KIFC3: variants seen among roughly 807,000 people sequenced by gnomAD.
KIFC3 encodes kinesin family member C3.
KIFC3 carries 60 observed loss-of-function variants against 101.8 expected under a neutral mutation model. That is an observed-to-expected ratio of 0.59 (90% CI 0.48 to 0.73). KIFC3 has a LOEUF of 0.73. Ranked by LOEUF, KIFC3 falls within the 30% of genes least tolerant of loss-of-function variation. The pLI, the probability that KIFC3 is intolerant of heterozygous loss-of-function variation, is 0.00. For synonymous variants in KIFC3, 476 were observed against 482.7 expected, an observed-to-expected ratio of 0.99 and a Z score of 0.18; for missense variants, 966 against 1,137.1, an observed-to-expected ratio of 0.85 and a Z score of 2.16.
intron 1 of KIFC3, among the ~76,000 whole-genome samples, chr16:57,850,345 G>C (rs2149326300): frequency 1.3e-5 from 2 of 151,712 alleles, no homozygotes; most frequent in South Asian, 4.2e-4. Context: ...TGAGGCTGCA[G>C]TGAGCCATGA....
intron 9 of KIFC3, 34 bp from the exon 10 acceptor site, chr16:57,767,019 G>A (rs782136980): frequency 1.5e-5 from 24 of 1,565,208 alleles, no homozygotes; most frequent in South Asian, 1.2e-4. Context: ...TCAGGGGGAC[G>A]GCTCCATCAG....
intron 1 of KIFC3, among the ~76,000 whole-genome samples, chr16:57,853,780 C>A (rs192196432): frequency 6.6e-6 from 1 of 151,988 alleles, no homozygotes; most frequent in Non-Finnish European, 1.5e-5. Context: ...TACAGGCGTG[C>A]GCCACCATAC....
rs2051341847 is a variant in KIFC3 at position 57,772,230 on chromosome 16, G to C, written c.374C>G (p.Ser125Cys). 6.2e-7 allele frequency: 1 copy of C among 1,613,538 alleles called. No individual in the cohort carries two copies. The highest frequency in any genetic ancestry group is 8.5e-7 in the Non-Finnish European group (1 of 1,179,808). Residue 125 changes from serine to cysteine, a missense_variant, in exon 4 of 20, where the codon TCT (serine) becomes TGT (cysteine). By Grantham distance (112) the Ser-to-Cys change is moderately radical (BLOSUM62 -1). Around this residue, in one of 2 missense-constraint regions of KIFC3, gnomAD observed 277 missense variants for 252.5 expected, o/e 1.10. Coordinates refer to ENST00000445690, the MANE Select transcript of KIFC3 (RefSeq NM_001130100.2). ...ACAGCCTTGTGGCCTCACCAGCTCA[G>C]ATCGCAGTCGGCTCACTTCCTGGGC... ...SQAQEVSRLR[S>C]ELGGTDLEKH...
At chr16:57,762,523 G>A (rs1381565658) in intron 12 of KIFC3, among the ~76,000 whole-genome samples, 4 of 152,212 alleles carry the variant, frequency 2.6e-5, no homozygotes, top group Non-Finnish European at 5.9e-5. Context: ...GGGATGAGGG[G>A]CCTGGCCCAG....
At chr16:57,797,592 C>T (rs1357380817) in intron 2 of KIFC3, 13 of 671,172 alleles carry the variant, frequency 1.9e-5, no homozygotes, top group African/African-American at 1.4e-4. Context: ...CCCCAAGCCC[C>T]GCCAGGCCAC....
chr16:57,782,221 C>T (rs1198260215), intron 3 of KIFC3: 4 of 865,604 alleles, frequency 4.6e-6, no homozygotes, highest in East Asian at 1.2e-4. Flanking sequence ...AACTGCAATG[C>T]GACATTTGTG....
chr16:57,765,805 AC>A (rs2148898454), intron 10 of KIFC3, 165 bp from the exon 11 acceptor site: 2 of 614,912 alleles, frequency 3.3e-6, no homozygotes, highest in South Asian at 4.0e-5. Flanking sequence ...CGTCATTCAC[AC>A]TATAGTATGA....
At chr16:57,850,947 C>CTCCTTCCTTCCT (rs200153757) in intron 1 of KIFC3, among the ~76,000 whole-genome samples, 13 of 52,604 alleles carry the variant, frequency 2.5e-4, no homozygotes, top group African/African-American at 6.7e-4. Flanking sequence ...CCTTCCCTCC[C>CTCCTTCCTTCCT]TCCTTCCTTC....
chr16:57,843,082 G>A (rs2055845284), intron 1 of KIFC3, among the ~76,000 whole-genome samples: 1 of 151,432 alleles, frequency 6.6e-6, no homozygotes, highest in Non-Finnish European at 1.5e-5. Flanking sequence ...ACAGTGAGCC[G>A]AGATCACACC....
intron 1 of KIFC3, among the ~76,000 whole-genome samples, chr16:57,812,109 T>C (rs1481805257): frequency 8.0e-5 from 12 of 149,114 alleles, no homozygotes; most frequent in Non-Finnish European, 1.8e-4. Flanking sequence ...TGGCGCGATC[T>C]CGGCTCACTG....
At chr16:57,794,227 TTTTTC>T (rs1555621594) in intron 3 of KIFC3, among the ~76,000 whole-genome samples, 1 of 151,388 alleles carries the variant, frequency 6.6e-6, no homozygotes, top group African/African-American at 2.4e-5. Context: ...AAGTTTATCT[TTTTTC>T]TTTTCTTTTT....
At chr16:57,802,615 C>T (rs2054815410), upstream of KIFC3, 4 of 1,038,360 alleles carry the variant, frequency 3.9e-6, no homozygotes, top group Non-Finnish European at 4.7e-6. The surrounding 1 kb of genome is among the most constrained non-coding windows in gnomAD (Gnocchi z 5.0). Flanking sequence ...GCGCACGCGT[C>T]AGCCCGGGCG....
In KIFC3 at chr16:57,787,679, C is replaced by T. The variant is rs1413914048; in HGVS notation, c.315+7320G>A. Among the ~76,000 whole-genome samples, 4 of 152,202 alleles carry T rather than the reference C, an allele frequency of 2.6e-5. No individual in the cohort carries two copies. The East Asian group carries it at 5.8e-4, about 22-fold the overall frequency. On this transcript the variant is annotated intron_variant, in intron 3 of 19. Transcript: ENST00000445690. ...GTTCCCTGGGATCGGCCTTCCTCTT[C>T]TCAGCGCACAATCAGCAAGATGATG...
chr16:57,797,761 C>G (rs1339810639), intron 2 of KIFC3: 1 of 1,277,114 alleles, frequency 7.8e-7, no homozygotes, highest in African/African-American at 1.6e-5. Flanking sequence ...TGGCCAAGGA[C>G]GGCAGCCCGC....
chr16:57,804,559 C>G (rs140706876), upstream of KIFC3, among the ~76,000 whole-genome samples: 1 of 152,202 alleles, frequency 6.6e-6, no homozygotes, highest in Non-Finnish European at 1.5e-5. Context: ...TCTAGCAAAA[C>G]TCCGATTTGA....
At chr16:57,841,527 C>A (rs78574127) in intron 1 of KIFC3, among the ~76,000 whole-genome samples, 18,097 of 152,026 alleles carry the variant, frequency 0.12, 1,402 homozygotes, top group East Asian at 0.21. Flanking sequence ...ATTAGCCAGG[C>A]CTGGTGGCAT....
chr16:57,764,951 G>T lies in KIFC3; in HGVS notation c.1512+508C>A, dbSNP rs184453982. ...ATGGGAGGAGCCACAGCATGAGGGT[G>T]GGATGGGCTGTGATGGTAGGAGGGG... On this transcript the variant is annotated intron_variant, in intron 11 of 19. Transcript: ENST00000445690. Among the ~76,000 whole-genome samples, 816 of 151,780 alleles carry T rather than the reference G, an allele frequency of 5.4e-3. 24 individuals are homozygous for T. The highest frequency in any genetic ancestry group is 0.049 in the Admixed American group (740 of 15,232).
intron 1 of KIFC3, among the ~76,000 whole-genome samples, chr16:57,845,214 C>A (rs918637736): frequency 1.2e-4 from 18 of 152,144 alleles, no homozygotes; most frequent in African/African-American, 4.1e-4. Context: ...GCAGGTGCAG[C>A]CTTCATGTTA....
At chr16:57,823,217 C>T (rs1464217264) in intron 1 of KIFC3, among the ~76,000 whole-genome samples, 1 of 152,146 alleles carries the variant, frequency 6.6e-6, no homozygotes, top group Non-Finnish European at 1.5e-5. Context: ...GACATTTCTT[C>T]CTATTGATAA....
Sources: allele counts gnomAD v4.1 joint callset (sites outside exome capture counted in the v4.1 genomes callset), GRCh38; gene constraint gnomAD v4.1.1; regional missense constraint gnomAD v4.1.1; non-coding constraint Gnocchi (gnomAD v3.1); transcripts MANE v1.5; gene names NCBI Gene and HGNC (gene_info 2026-07-23, HGNC 2026-07-21).